Variants in FANCC observed in about 807,000 individuals in gnomAD.
FANCC encodes the protein Fanconi anemia group C protein.
A neutral mutation model predicts 71.3 loss-of-function variants in FANCC; 55 were observed. The observed-to-expected ratio is 0.77, with a 90% CI of 0.62 to 0.97. The LOEUF is 0.97. Among genes scored for constraint, FANCC ranks in the 50% least tolerant of loss-of-function variants. The pLI, the probability that FANCC is intolerant of heterozygous loss-of-function variation, is 0.00. For synonymous variants in FANCC, 275 were observed against 244.9 expected (o/e 1.12, Z -1.15); for missense variants, 678 against 670.9 (o/e 1.01, Z -0.12).
chr9:95,246,785 T>G (rs1831007988), intron 3 of FANCC, among the ~76,000 whole-genome samples: 1 of 152,154 alleles, frequency 6.6e-6, no homozygotes, highest in African/African-American at 2.4e-5. Flanking sequence ...TCAGGCACTG[T>G]TAGTAATAGG....
intron 7 of FANCC, among the ~76,000 whole-genome samples, chr9:95,141,771 C>A (rs1317688511): frequency 6.6e-6 from 1 of 152,058 alleles, no homozygotes; most frequent in Non-Finnish European, 1.5e-5. Context: ...AAATTAGGTT[C>A]TTCTGATAGA....
At chr9:95,117,176 T>TG in intron 11 of FANCC, 139 bp downstream of exon 11, 3 of 775,812 alleles carry the variant, frequency 3.9e-6, no homozygotes, top group Non-Finnish European at 6.7e-6. Context: ...TGTGGGATCC[T>TG]GGGGGCTTAA....
chr9:95,143,199 G>T lies in FANCC; in HGVS notation c.686+6724C>A, dbSNP rs183805952. On this transcript the variant is annotated intron_variant, in intron 7 of 14. Transcript: ENST00000289081. ...AACAGCCACATGGAAGAGATGCATG[G>T]GGCCAGGCCTGGGGGAAAGTTCTGA... 1.8e-4 allele frequency among the ~76,000 whole-genome samples: 28 copies of T among 152,316 alleles called. No individual in the cohort carries two copies. The East Asian group carries it at 2.7e-3, about 15-fold the overall frequency.
chr9:95,141,358 C>T (rs1828663675), intron 7 of FANCC, among the ~76,000 whole-genome samples: 1 of 141,886 alleles, frequency 7.0e-6, no homozygotes, highest in African/African-American at 2.6e-5. Context: ...GGAAGTCTCT[C>T]AGTTTCCATC....
At chr9:95,167,704 T>C (rs915064219) in intron 6 of FANCC, among the ~76,000 whole-genome samples, 1 of 152,202 alleles carries the variant, frequency 6.6e-6, no homozygotes, top group Admixed American at 6.5e-5. Context: ...TTTGCTCACA[T>C]ATTGTTTTCC....
At chr9:95,209,459 G>C (rs1168691920) in intron 4 of FANCC, among the ~76,000 whole-genome samples, 2 of 152,194 alleles carry the variant, frequency 1.3e-5, no homozygotes, top group Non-Finnish European at 2.9e-5. Context: ...GATAACAGGG[G>C]AGGCTGTGCA....
intron 4 of FANCC, among the ~76,000 whole-genome samples, chr9:95,231,671 T>C (rs1371663408): frequency 6.6e-6 from 1 of 152,170 alleles, no homozygotes; most frequent in African/African-American, 2.4e-5. Flanking sequence ...AACAATCCTA[T>C]ATTTGAAAGT....
intron 11 of FANCC, among the ~76,000 whole-genome samples, 177 bp from the exon 12 acceptor site, chr9:95,114,887 G>A (rs2072260996): frequency 6.6e-6 from 1 of 152,188 alleles, no homozygotes; most frequent in African/African-American, 2.4e-5. Context: ...GCCTGGGGAA[G>A]TAAGATCTGT....
At chr9:95,251,349 T>C (rs1831316706) in intron 1 of FANCC, among the ~76,000 whole-genome samples, 1 of 152,184 alleles carries the variant, frequency 6.6e-6, no homozygotes, top group Admixed American at 6.5e-5. Context: ...GAAGTCTCAC[T>C]CTATCTCCCA....
chr9:95,290,908 G>GT, intron 1 of FANCC, among the ~76,000 whole-genome samples: 1 of 152,342 alleles, frequency 6.6e-6, no homozygotes, highest in East Asian at 1.9e-4. Flanking sequence ...CCCCTGGGTT[G>GT]TAAGGATGAT....
At chr9:95,110,259 T>C in intron 13 of FANCC, 1 of 1,008,810 alleles carries the variant, frequency 9.9e-7, no homozygotes, top group Non-Finnish European at 1.2e-6. Flanking sequence ...TTCTTTATAC[T>C]TCAAAAGTGA....
At chr9:95,259,224 T>C (rs548017486) in intron 1 of FANCC, among the ~76,000 whole-genome samples, 1 of 152,188 alleles carries the variant, frequency 6.6e-6, no homozygotes, top group Admixed American at 6.6e-5. Context: ...AAAAAGTCCA[T>C]ATAGCCAAGA....
Position 95,288,411 on chromosome 9 carries a change from A to C in FANCC, c.-79+29115T>G, listed in dbSNP as rs75976597. 2.9e-3 allele frequency among the ~76,000 whole-genome samples: 438 copies of C among 152,178 alleles called. 9 individuals are homozygous for C. In the South Asian group the frequency reaches 0.043, roughly 15 times the overall value. Reference sequence around the variant, plus strand: ...TTCTTTACCTGCCCAGCTACTTGAAAACCGCTAGGCTATTCTTTGAATAGG... The same window carrying C: ...TTCTTTACCTGCCCAGCTACTTGAACACCGCTAGGCTATTCTTTGAATAGG... On this transcript the variant is annotated intron_variant, in intron 1 of 14. Transcript: ENST00000289081.
Position 95,271,589 on chromosome 9 carries a change from T to C in FANCC, c.-78-22220A>G, listed in dbSNP as rs577710708. Among the ~76,000 whole-genome samples the C allele has an allele frequency of 7.2e-5, 11 of 152,286 alleles. No individual in the cohort carries two copies. In the East Asian group the frequency reaches 1.7e-3, roughly 24 times the overall value. On this transcript the variant is annotated intron_variant, in intron 1 of 14. Coordinates refer to ENST00000289081, the MANE Select transcript of FANCC (RefSeq NM_000136.3). ...TTTGGCCTCCAGAACTGCAACAAGA[T>C]ATGATTCTGTTCTCTTGATCCAACA...
At chr9:95,127,417 G>C (rs1334427493) in intron 8 of FANCC, 1 of 152,284 alleles carries the variant, frequency 6.6e-6, no homozygotes, top group Non-Finnish European at 1.5e-5. Context: ...CAGACCGGGA[G>C]GGGGAGATGG....
intron 4 of FANCC, among the ~76,000 whole-genome samples, chr9:95,240,410 C>G (rs942029090): frequency 6.6e-6 from 1 of 152,208 alleles, no homozygotes; most frequent in Non-Finnish European, 1.5e-5. Flanking sequence ...TTCAAAACCA[C>G]TCAACATTAG....
chr9:95,295,822 G>A (rs1305641597), intron 1 of FANCC, among the ~76,000 whole-genome samples: 8 of 151,950 alleles, frequency 5.3e-5, no homozygotes, highest in African/African-American at 1.9e-4. Context: ...CTGGCAGGAG[G>A]GGAAATTGAG....
chr9:95,233,903 G>A (rs758914875), intron 4 of FANCC, among the ~76,000 whole-genome samples: 4 of 152,204 alleles, frequency 2.6e-5, no homozygotes, highest in Non-Finnish European at 4.4e-5. Context: ...AGTAGTCCAA[G>A]TGGGACCCTG....
intron 13 of FANCC, chr9:95,107,529 A>G (rs187001282): frequency 6.1e-4 from 345 of 565,432 alleles, no homozygotes; most frequent in African/African-American, 5.6e-3. Flanking sequence ...TTTGTATAAA[A>G]GGAAACAGAG....
Sources: allele counts gnomAD v4.1 joint callset (sites outside exome capture counted in the v4.1 genomes callset), GRCh38; gene constraint gnomAD v4.1.1; transcripts MANE v1.5; gene names NCBI Gene and HGNC (gene_info 2026-07-23, HGNC 2026-07-21).